PECR: variants seen among roughly 807,000 people sequenced by gnomAD.
PECR encodes the protein peroxisomal trans-2-enoyl-CoA reductase, also known as 2,4-dienoyl-CoA reductase-related protein.
In PECR, 30 loss-of-function variants were observed where a neutral mutation model predicts 35.3. That is an observed-to-expected ratio of 0.85 (90% confidence interval 0.64 to 1.15). PECR has a LOEUF of 1.15. Among genes scored for constraint, PECR ranks in the 50% most tolerant of loss-of-function variants. The pLI, the probability that PECR is intolerant of heterozygous loss-of-function variation, is 0.00. For missense variants in PECR, 392 were observed against 370.8 expected (o/e 1.06, Z -0.47); for synonymous variants, 148 against 138.9 (o/e 1.07, Z -0.46).
intron 7 of PECR, among the ~76,000 whole-genome samples, chr2:216,043,029 ATATG>A (rs1438238748): frequency 7.5e-6 from 1 of 132,714 alleles, no homozygotes; most frequent in Non-Finnish European, 1.6e-5. Context: ...ACATACGTAT[ATATG>A]TATGTGTATA....
At chr2:216,037,928 T>C (rs768285535), downstream of PECR, among the ~76,000 whole-genome samples, 2 of 148,812 alleles carry the variant, frequency 1.3e-5, no homozygotes, top group Non-Finnish European at 3.0e-5. Flanking sequence ...CTACTAAAAA[T>C]ACAAAAATTG....
chr2:216,033,321 C>T (rs1175621252), intron 7 of PECR, among the ~76,000 whole-genome samples: 2 of 152,126 alleles, frequency 1.3e-5, no homozygotes, highest in Non-Finnish European at 2.9e-5. Context: ...GCCATTATCA[C>T]GTTGAATAAA....
downstream of PECR, among the ~76,000 whole-genome samples, chr2:216,034,584 C>G (rs545784383): frequency 1.1e-4 from 17 of 152,240 alleles, no homozygotes; most frequent in African/African-American, 3.1e-4. Flanking sequence ...TAGCTCTATT[C>G]AGGAGTGGCC....
intron 1 of PECR, among the ~76,000 whole-genome samples, chr2:216,074,507 AG>A (rs1695651435): frequency 7.7e-6 from 1 of 130,126 alleles, no homozygotes; most frequent in Admixed American, 7.3e-5. Context: ...GAAGGAAGGA[AG>A]GAAGGAAGGA....
chr2:216,066,363 G>A, intron 2 of PECR, 22 bp downstream of exon 2: 3 of 1,597,204 alleles, frequency 1.9e-6, no homozygotes, highest in Non-Finnish European at 2.6e-6. Context: ...ATGAATAAAT[G>A]ATACAGATAT....
intron 1 of PECR, among the ~76,000 whole-genome samples, chr2:216,079,531 C>T (rs534326421): frequency 2.0e-5 from 3 of 151,758 alleles, no homozygotes; most frequent in African/African-American, 7.2e-5. Context: ...CCATGCCTGG[C>T]TAATTTTTGT....
At chr2:216,032,846 T>G (rs1694730954) in intron 7 of PECR, 1 of 152,230 alleles carries the variant, frequency 6.6e-6, no homozygotes, top group Admixed American at 6.5e-5. Context: ...AATAGATGCC[T>G]TCTTTGCTGA....
chr2:216,067,143 A>C (rs1695482585), intron 1 of PECR, among the ~76,000 whole-genome samples: 1 of 152,096 alleles, frequency 6.6e-6, no homozygotes, highest in Non-Finnish European at 1.5e-5. Context: ...TCCCTGGCGG[A>C]AGAGATGAAG....
Position 216,038,683 on chromosome 2 carries a change from T to C in PECR, c.*592A>G, listed in dbSNP as rs927712368. The C allele has an allele frequency of 1.3e-5, 2 of 154,530 alleles. No individual in the cohort carries two copies. The highest frequency in any genetic ancestry group is 4.8e-5 in the African/African-American group (2 of 41,460). The allele number at this position is 154,530 out of a possible 1,614,324, so 9.6% of individuals were successfully genotyped here. Reference sequence around the variant, plus strand: ...TGGACTGCAGTAGCATGATCTCAGCTCACTGCAACCTCTGCTTCCTGGGTT... The same window carrying C: ...TGGACTGCAGTAGCATGATCTCAGCCCACTGCAACCTCTGCTTCCTGGGTT... On this transcript the variant is annotated 3_prime_UTR_variant, in exon 8 of 8. Coordinates refer to ENST00000265322, the MANE Select transcript of PECR (RefSeq NM_018441.6).
At chr2:216,069,362 C>A (rs1176743248) in intron 1 of PECR, among the ~76,000 whole-genome samples, 1 of 152,108 alleles carries the variant, frequency 6.6e-6, no homozygotes, top group African/African-American at 2.4e-5. Flanking sequence ...CAACAAGAAA[C>A]CCAAGTGACA....
chr2:216,033,437 G>A (rs1011793772), downstream of PECR, among the ~76,000 whole-genome samples: 1 of 152,078 alleles, frequency 6.6e-6, no homozygotes, highest in Non-Finnish European at 1.5e-5. Flanking sequence ...GGACTCCAGT[G>A]CACTCTAAAA....
chr2:216,080,257 GT>G (rs1242562394), intron 1 of PECR, among the ~76,000 whole-genome samples: 2 of 151,944 alleles, frequency 1.3e-5, no homozygotes, highest in Non-Finnish European at 2.9e-5. Context: ...TGTATTTTTA[GT>G]AGAAATGGAG....
intron 3 of PECR, 42 bp downstream of exon 3, chr2:216,065,270 T>C (rs1313863967): frequency 8.6e-6 from 12 of 1,397,596 alleles, no homozygotes; most frequent in Non-Finnish European, 1.1e-5. Context: ...CTGAGATCTC[T>C]AAATAAAGAC....
downstream of PECR, among the ~76,000 whole-genome samples, chr2:216,037,333 GT>G (rs544932460): frequency 1.3e-5 from 2 of 152,288 alleles, no homozygotes; most frequent in African/African-American, 4.8e-5. Flanking sequence ...ACATAGGCAG[GT>G]TCTGTCCCTT....
At chr2:216,074,525 G>GAAGGAAGGAAGAAAGGAAGGAAGGAAGA (rs1226853751) in intron 1 of PECR, among the ~76,000 whole-genome samples, 7 of 126,740 alleles carry the variant, frequency 5.5e-5, no homozygotes, top group Admixed American at 5.5e-4. Context: ...AGGAAGGAAG[G>GAAGGAAGGAAGAAAGGAAGGAAGGAAGA]AAGGAAGGAA....
At chr2:216,037,510 T>A (rs1382217464), downstream of PECR, among the ~76,000 whole-genome samples, 1 of 152,192 alleles carries the variant, frequency 6.6e-6, no homozygotes, top group African/African-American at 2.4e-5. Context: ...TATGATATTA[T>A]CAGTTCCAGA....
intron 1 of PECR, among the ~76,000 whole-genome samples, chr2:216,068,410 C>CGGTATGG (rs1343807138): frequency 4.0e-5 from 6 of 151,862 alleles, no homozygotes; most frequent in Non-Finnish European, 7.4e-5. Context: ...AACATCTTTA[C>CGGTATGG]GGTATGGAAA....
intron 6 of PECR, among the ~76,000 whole-genome samples, chr2:216,046,101 CAAAA>C (rs766629600): frequency 4.1e-5 from 4 of 98,754 alleles, no homozygotes; most frequent in Non-Finnish European, 2.1e-5. Context: ...TCGCTTGAAC[CAAAA>C]AAAAAAAAAA....
At chr2:216,043,024 CGTATATATGT>C (rs1694920420) in intron 7 of PECR, among the ~76,000 whole-genome samples, 2 of 135,218 alleles carry the variant, frequency 1.5e-5, no homozygotes, top group South Asian at 4.6e-4. Flanking sequence ...TATACACATA[CGTATATATGT>C]ATGTGTATAT....
Sources: gnomAD v4.1 joint callset for allele counts (sites outside exome capture counted in the v4.1 genomes callset) on GRCh38, gnomAD v4.1.1 for gene constraint, MANE v1.5 for transcripts, NCBI Gene and HGNC (gene_info 2026-07-23, HGNC 2026-07-21) for gene names.